GALNTL6: variants seen among roughly 807,000 people sequenced by gnomAD.
GALNTL6 encodes polypeptide N-acetylgalactosaminyltransferase-like 6.
In GALNTL6, 46 loss-of-function variants were observed where a neutral mutation model predicts 73.7. The observed-to-expected ratio is 0.62, with a 90% CI of 0.49 to 0.80. The LOEUF (loss-of-function observed/expected upper bound fraction) is 0.80. GALNTL6 is among the 30% of genes least tolerant of loss of function. The pLI is 0.00. For synonymous variants in GALNTL6, 259 were observed against 263.7 expected, an observed-to-expected ratio of 0.98 and a Z score of 0.17; for missense variants, 604 against 755.0, an observed-to-expected ratio of 0.80 and a Z score of 2.34.
At chr4:172,439,847 G>C (rs1731764990) in intron 5 of GALNTL6, among the ~76,000 whole-genome samples, 1 of 151,970 alleles carries the variant, frequency 6.6e-6, no homozygotes. Context: ...CCTTTGCCCA[G>C]TTGGTTTCCC....
chr4:171,881,814 C>T (rs1736460049), intron 2 of GALNTL6, among the ~76,000 whole-genome samples: 1 of 152,130 alleles, frequency 6.6e-6, no homozygotes, highest in Non-Finnish European at 1.5e-5. Context: ...CATGGTTTCA[C>T]CTTAGAAGTG....
intron 5 of GALNTL6, among the ~76,000 whole-genome samples, chr4:172,627,205 G>A (rs1739202497): frequency 1.3e-5 from 2 of 152,034 alleles, no homozygotes; most frequent in Non-Finnish European, 2.9e-5. Flanking sequence ...TATCATGAAG[G>A]GATGTTGAAT....
intron 5 of GALNTL6, among the ~76,000 whole-genome samples, chr4:172,402,672 A>G (rs929057137): frequency 6.6e-6 from 1 of 152,080 alleles, no homozygotes; most frequent in Non-Finnish European, 1.5e-5. Context: ...ATCTTGTGAA[A>G]AAAAAGCACT....
intron 8 of GALNTL6, among the ~76,000 whole-genome samples, chr4:172,904,774 C>A (rs138664429): frequency 1.3e-4 from 20 of 152,060 alleles, no homozygotes; most frequent in African/African-American, 4.8e-4. Context: ...CTAAAATAAG[C>A]CTTGGGAGTT....
chr4:172,005,932 C>A (rs1740827807), intron 2 of GALNTL6, among the ~76,000 whole-genome samples: 1 of 152,118 alleles, frequency 6.6e-6, no homozygotes, highest in South Asian at 2.1e-4. Context: ...TATTGTGATT[C>A]TTTTTGTCAT....
At chr4:172,466,039 A>G (rs1732803493) in intron 5 of GALNTL6, among the ~76,000 whole-genome samples, 1 of 152,138 alleles carries the variant, frequency 6.6e-6, no homozygotes, top group Non-Finnish European at 1.5e-5. Flanking sequence ...AAAATCATTG[A>G]GTGTGTTTTC....
At chr4:172,647,392 A>C (rs1292463925) in intron 5 of GALNTL6, among the ~76,000 whole-genome samples, 1 of 152,248 alleles carries the variant, frequency 6.6e-6, no homozygotes, top group East Asian at 1.9e-4. Flanking sequence ...AAAGATCACT[A>C]AAATTTCTAA....
chr4:172,180,808 A>G lies in GALNTL6; in HGVS notation c.139-48848A>G, dbSNP rs565262094. 9.5e-4 allele frequency among the ~76,000 whole-genome samples: 145 copies of G among 152,188 alleles called. 1 individual carries two copies. Among genetic ancestry groups the G allele is most frequent in the African/African-American group, 3.4e-3 (140 of 41,524 alleles). On this transcript the variant is annotated intron_variant, in intron 2 of 12. Transcript: ENST00000506823. ...CCTCTGTTCTGTTCCATTGATCTAT[A>G]TATCTGTTTTGGTACCAGTACCATG...
intron 3 of GALNTL6, among the ~76,000 whole-genome samples, chr4:172,255,714 A>G (rs1036564705): frequency 4.0e-5 from 6 of 151,478 alleles, no homozygotes; most frequent in African/African-American, 1.2e-4. Flanking sequence ...CTGAATAATC[A>G]TGGGACTACG....
intron 5 of GALNTL6, among the ~76,000 whole-genome samples, chr4:172,480,424 G>A (rs1178638823): frequency 6.6e-6 from 1 of 152,136 alleles, no homozygotes; most frequent in South Asian, 2.1e-4. Context: ...TCATTTTAAA[G>A]CTGTTCTTAT....
intron 5 of GALNTL6, among the ~76,000 whole-genome samples, chr4:172,627,967 A>G (rs974973022): frequency 1.6e-4 from 24 of 151,000 alleles, no homozygotes; most frequent in African/African-American, 5.6e-4. Flanking sequence ...GGTTTTGGTG[A>G]TTCTTTGTAT....
intron 2 of GALNTL6, among the ~76,000 whole-genome samples, chr4:172,164,062 A>G (rs914246546): frequency 6.6e-6 from 1 of 152,036 alleles, no homozygotes; most frequent in Non-Finnish European, 1.5e-5. Context: ...ATCTAGTGAT[A>G]GTGAAGGATC....
At chr4:172,430,643 A>C (rs1291772099) in intron 5 of GALNTL6, among the ~76,000 whole-genome samples, 1 of 152,174 alleles carries the variant, frequency 6.6e-6, no homozygotes, top group Non-Finnish European at 1.5e-5. Flanking sequence ...AAAAATTAAA[A>C]AAAATAAATA....
intron 2 of GALNTL6, among the ~76,000 whole-genome samples, chr4:171,896,394 G>T (rs1375342124): frequency 6.6e-6 from 1 of 152,144 alleles, no homozygotes; most frequent in Admixed American, 6.5e-5. Context: ...ATGGTGCCTA[G>T]ATTTCTGTAT....
chr4:172,704,474 G>GTTGTTTAACTTCCATGTATT (rs1734208057), intron 5 of GALNTL6, among the ~76,000 whole-genome samples: 1 of 151,902 alleles, frequency 6.6e-6, no homozygotes, highest in Admixed American at 6.6e-5. Flanking sequence ...TTAAGAGCAT[G>GTTGTTTAACTTCCATGTATT]TTGTTTAACT....
intron 7 of GALNTL6, among the ~76,000 whole-genome samples, chr4:172,881,459 C>G (rs963401595): frequency 6.6e-6 from 1 of 152,216 alleles, no homozygotes; most frequent in African/African-American, 2.4e-5. Flanking sequence ...CCTACACCTT[C>G]AAAACAATTC....
chr4:172,910,712 G>T (rs1249053549), intron 8 of GALNTL6, among the ~76,000 whole-genome samples: 5 of 152,174 alleles, frequency 3.3e-5, no homozygotes, highest in Non-Finnish European at 7.3e-5. Context: ...CTAAAGGAAG[G>T]ACTTTGGTCC....
intron 3 of GALNTL6, among the ~76,000 whole-genome samples, chr4:172,283,398 ATAAG>A (rs1739131856): frequency 6.6e-6 from 1 of 152,170 alleles, no homozygotes; most frequent in Non-Finnish European, 1.5e-5. Flanking sequence ...TTCTTAGAAA[ATAAG>A]TAATATGTCA....
At chr4:172,380,082 T>C (rs140605540) in intron 5 of GALNTL6, 4 of 967,060 alleles carry the variant, frequency 4.1e-6, no homozygotes, top group East Asian at 2.4e-5. Flanking sequence ...TTTATATGGC[T>C]TGGGCTTCGT....
Sources: allele counts gnomAD v4.1 joint callset (sites outside exome capture counted in the v4.1 genomes callset), GRCh38; gene constraint gnomAD v4.1.1; transcripts MANE v1.5; gene names NCBI Gene and HGNC (gene_info 2026-07-23, HGNC 2026-07-21).